Variants in AMPD3 observed in about 807,000 individuals in gnomAD.
The protein encoded by AMPD3 is AMP deaminase 3.
In AMPD3, 57 loss-of-function variants were observed where a neutral mutation model predicts 82.3. The ratio of observed to expected loss-of-function variants is 0.69; its 90% CI spans 0.56 to 0.86. The LOEUF is 0.86. Ranked by LOEUF, AMPD3 falls within the 40% of genes least tolerant of loss-of-function variation. The pLI is 0.00. For missense variants in AMPD3, 870 were observed against 1,003.8 expected, an observed-to-expected ratio of 0.87 and a Z score of 1.80; for synonymous variants, 381 against 394.7, an observed-to-expected ratio of 0.97 and a Z score of 0.41.
intron 2 of AMPD3, among the ~76,000 whole-genome samples, chr11:10,464,260 C>T (rs969772940): frequency 6.6e-6 from 1 of 152,166 alleles, no homozygotes; most frequent in African/African-American, 2.4e-5. Context: ...AAGTACTAGC[C>T]TGTGTAGGTT....
chr11:10,497,895 A>G (rs1405599184), intron 10 of AMPD3: 1 of 953,178 alleles, frequency 1.0e-6, no homozygotes, highest in Non-Finnish European at 1.2e-6. Context: ...TTTGTTGTTA[A>G]CAGTAAGCGG....
intron 10 of AMPD3, chr11:10,498,480 A>C (rs1849485448): frequency 6.6e-6 from 1 of 152,500 alleles, no homozygotes; most frequent in South Asian, 2.1e-4. Context: ...AGAGGGGCTG[A>C]AATTATCCGC....
intron 6 of AMPD3, chr11:10,490,704 A>AC (rs1343830783): frequency 2.1e-6 from 2 of 960,802 alleles, no homozygotes; most frequent in African/African-American, 1.8e-5. Context: ...GGACAGGCTG[A>AC]CCCCCCTGTG....
intron 2 of AMPD3, among the ~76,000 whole-genome samples, chr11:10,469,566 T>G (rs1031829267): frequency 1.1e-4 from 17 of 151,984 alleles, no homozygotes; most frequent in African/African-American, 3.6e-4. Flanking sequence ...CTACCAGAGG[T>G]ACAAAGAGGA....
intron 10 of AMPD3, among the ~76,000 whole-genome samples, chr11:10,497,370 A>G (rs10770122): frequency 0.98 from 149,580 of 152,062 alleles, 73,598 homozygotes; most frequent in East Asian, 1. Context: ...TGTGTGATTA[A>G]GTACAAGCCC....
intron 6 of AMPD3, chr11:10,490,507 C>T (rs1849209687): frequency 1.0e-6 from 1 of 985,328 alleles, no homozygotes; most frequent in Non-Finnish European, 1.2e-6. Context: ...TCTTTCTTTA[C>T]ATCTGAGGTC....
chr11:10,461,241 T>C, intron 1 of AMPD3: 1 of 1,327,738 alleles, frequency 7.5e-7, no homozygotes, highest in Non-Finnish European at 9.8e-7. Context: ...TTCCCTGAGT[T>C]TGGGAAAATG....
At chr11:10,495,328 G>A (rs1239280130) in intron 8 of AMPD3, 7 of 985,346 alleles carry the variant, frequency 7.1e-6, no homozygotes, top group Non-Finnish European at 8.4e-6. Context: ...GATGAGCTCC[G>A]TGTGGAGATG....
Position 10,456,300 on chromosome 11 carries a change from C to G in AMPD3, c.-6+852C>G, listed in dbSNP as rs760553356. The G allele has an allele frequency of 1.7e-5, 27 of 1,600,960 alleles. No homozygotes were observed. The highest frequency in any genetic ancestry group is 2.0e-5 in the Non-Finnish European group (24 of 1,171,496). On this transcript the variant is annotated intron_variant, in intron 1 of 14. Coordinates refer to ENST00000396553, the MANE Select transcript of AMPD3 (RefSeq NM_001025389.2). This position sits in a 1 kb window ranked among gnomAD's most constrained non-coding sequence, Gnocchi z 4.3. ...GGCAGACAGGACCCAGCCAGCTGCA[C>G]GCACGCACTGACTCAGCTGAGCCTC...
intron 10 of AMPD3, chr11:10,497,648 G>T: frequency 1.0e-6 from 1 of 985,348 alleles, no homozygotes; most frequent in Non-Finnish European, 1.2e-6. Context: ...CAAGCTGAGG[G>T]ACATCATCAA....
At chr11:10,492,408 G>A (rs929319423) in intron 6 of AMPD3, among the ~76,000 whole-genome samples, 1 of 152,206 alleles carries the variant, frequency 6.6e-6, no homozygotes, top group Non-Finnish European at 1.5e-5. Context: ...ACTAGTCAAG[G>A]AAGGGTGTGT....
Position 10,482,232 on chromosome 11 carries a change from AGCTCTG to A in AMPD3, c.589+11_589+16del. 1 of 1,610,880 alleles carries A rather than the reference AGCTCTG, an allele frequency of 6.2e-7. No individual in the cohort carries two copies. The highest frequency in any genetic ancestry group is 8.5e-7 in the Non-Finnish European group (1 of 1,178,872). ...CCGGAAGAGGGCCTTCCAGGTATGGAGCTCTGGCTGGAGGTTGGGTCCCAAGTGTGG... is the reference window on the plus strand; with the variant it reads ...CCGGAAGAGGGCCTTCCAGGTATGGAGCTGGAGGTTGGGTCCCAAGTGTGG... On this transcript the variant is annotated splice_region_variant and intron_variant, in intron 4 of 14. Coordinates refer to ENST00000396553, the MANE Select transcript of AMPD3 (RefSeq NM_001025389.2).
Position 10,494,923 on chromosome 11 carries a change from G to T in AMPD3, c.1159G>T (p.Asp387Tyr). 6.2e-7 allele frequency: 1 copy of T among 1,614,220 alleles called. No individual in the cohort carries two copies. The highest frequency in any genetic ancestry group is 1.1e-5 in the South Asian group (1 of 91,078). ...HAGRQTFHRF[D>Y]KFNSKYNPVG... ...GGGCCGGCAGACATTCCACCGCTTT[G>T]ACAAGTTCAACTCCAAATACAACCC... Residue 387 changes from aspartate to tyrosine, a missense_variant, in exon 8 of 15, where the codon GAC (aspartate) becomes TAC (tyrosine). Physicochemically the swap from Asp to Tyr is radical, Grantham distance 160 (BLOSUM62 -3). Coordinates refer to ENST00000396553, the MANE Select transcript of AMPD3 (RefSeq NM_001025389.2).
intron 13 of AMPD3, chr11:10,504,253 GT>G: frequency 1.0e-6 from 1 of 984,526 alleles, no homozygotes; most frequent in Non-Finnish European, 1.2e-6. Flanking sequence ...TAGAGGGCTT[GT>G]CACAGGAGAG....
At chr11:10,454,568 A>C (rs77826181), upstream of AMPD3, among the ~76,000 whole-genome samples, 1,528 of 152,306 alleles carry the variant, frequency 0.01, 25 homozygotes, top group Non-Finnish European at 0.015. Flanking sequence ...CCCATAAGGG[A>C]CTACAGGATG....
chr11:10,497,219 G>A (rs1849432117), intron 10 of AMPD3, among the ~76,000 whole-genome samples: 1 of 152,160 alleles, frequency 6.6e-6, no homozygotes, highest in Non-Finnish European at 1.5e-5. Flanking sequence ...GCAAAGACTG[G>A]GAACTCGGTT....
In AMPD3 at chr11:10,456,664, C is replaced by T; in HGVS notation, c.-6+1216C>T. ...TGATGCTGGTGAATTCACAGCTAAG[C>T]CTCCCAAGCCTGCTGGCTTCAGCTG... On this transcript the variant is annotated intron_variant, in intron 1 of 14. Coordinates refer to ENST00000396553, the MANE Select transcript of AMPD3 (RefSeq NM_001025389.2). This position sits in a 1 kb window ranked among gnomAD's most constrained non-coding sequence, Gnocchi z 4.3. The T allele has an allele frequency of 1.0e-6, 1 of 953,114 alleles. No individual in the cohort carries two copies. The highest frequency in any genetic ancestry group is 1.8e-5 in the African/African-American group (1 of 56,688). The allele number at this position is 953,114 out of a possible 1,614,324, so 59.0% of individuals were successfully genotyped here. A position where few individuals can be genotyped will look rare whatever the true frequency, so the allele number is the denominator to read the frequency against.
rs1000023634 is a variant in AMPD3, at chr11:10,507,024, T to C, written c.*1140T>C. On this transcript the variant is annotated 3_prime_UTR_variant, in exon 15 of 15. Transcript: ENST00000396553. The stretch of plus-strand genomic sequence containing the variant: ...TCCCAGGGGCCAAGTAGAAAGCATT[T>C]TTAAAGATTAATCTGAATTAAGCTT... The C allele has an allele frequency of 2.6e-5, 4 of 152,632 alleles. No homozygotes were observed. Among genetic ancestry groups the C allele is most frequent in the African/African-American group, 4.8e-5 (2 of 41,452 alleles). 9.5% of individuals were successfully genotyped at this position (152,632 alleles called of 1,614,324 possible).
intron 10 of AMPD3, 147 bp from the exon 11 acceptor site, chr11:10,499,939 T>C: frequency 6.6e-7 from 1 of 1,508,638 alleles, no homozygotes; most frequent in Non-Finnish European, 8.9e-7. Flanking sequence ...GAATATGGCC[T>C]CAGGCAGGCC....
Sources: gnomAD v4.1 joint callset for allele counts (sites outside exome capture counted in the v4.1 genomes callset) on GRCh38, gnomAD v4.1.1 for gene constraint, Gnocchi (gnomAD v3.1) non-coding constraint, MANE v1.5 for transcripts, NCBI Gene and HGNC (gene_info 2026-07-23, HGNC 2026-07-21) for gene names.